Variants in TLE1 observed in about 807,000 individuals in gnomAD.
TLE1 encodes the protein TLE family member 1, transcriptional corepressor.
A neutral mutation model predicts 89.8 loss-of-function variants in TLE1; 21 were observed. The observed-to-expected ratio is 0.23, with a 90% CI of 0.17 to 0.34. The LOEUF (loss-of-function observed/expected upper bound fraction) is 0.34. Ranked by LOEUF, TLE1 falls within the 10% of genes least tolerant of loss-of-function variation. The pLI is 1.00. For synonymous variants in TLE1, 447 were observed against 407.6 expected, an observed-to-expected ratio of 1.10 and a Z score of -1.16; for missense variants, 795 against 1,031.2, an observed-to-expected ratio of 0.77 and a Z score of 3.14.
Position 81,584,050 on chromosome 9 carries a change from C to T in TLE1, c.*148G>A, listed in dbSNP as rs1828002346. The stretch of plus-strand genomic sequence containing the variant: ...TCTGCTGATGGACTTGTCGCCTCCT[C>T]TTTGTAGACTCAAAGTAGTTTTCTG... On this transcript the variant is annotated 3_prime_UTR_variant, in exon 20 of 20. Transcript: ENST00000376499. The T allele has an allele frequency of 4.3e-6, 3 of 693,392 alleles. No homozygotes were observed. The highest frequency in any genetic ancestry group is 7.3e-6 in the Non-Finnish European group (3 of 413,422). The allele number at this position is 693,392 out of a possible 1,614,324, so 43.0% of individuals were successfully genotyped here.
chr9:81,586,666 G>A (rs1828511207), intron 17 of TLE1, among the ~76,000 whole-genome samples: 1 of 152,076 alleles, frequency 6.6e-6, no homozygotes, highest in African/African-American at 2.4e-5. Context: ...GTTATCATAT[G>A]GCCAAATAAC....
intron 13 of TLE1, among the ~76,000 whole-genome samples, chr9:81,610,938 T>A (rs1587954420): frequency 6.6e-6 from 1 of 152,122 alleles, no homozygotes; most frequent in East Asian, 1.9e-4. Context: ...TTTCAACACT[T>A]TGCCCGCCAC....
intron 8 of TLE1, among the ~76,000 whole-genome samples, chr9:81,623,779 G>A (rs1044381968): frequency 1.3e-5 from 2 of 151,926 alleles, no homozygotes; most frequent in African/African-American, 4.8e-5. Context: ...GACAGAGTGA[G>A]ACTCTGCCTC....
In TLE1 at chr9:81,666,804, T is replaced by TAAATA. The variant is rs1554696560; in HGVS notation, c.235-12773_235-12769dup. On this transcript the variant is annotated intron_variant, in intron 4 of 19. Coordinates refer to ENST00000376499, the MANE Select transcript of TLE1 (RefSeq NM_005077.5). Reference sequence around the variant, plus strand: ...ATAAATAAATAAATAAATAAATAAATAAATAAAATAAAATATGCCTGTGTA... The same window carrying TAAATA: ...ATAAATAAATAAATAAATAAATAAATAAATAAAATAAAATAAAATATGCCTGTGTA... Among the ~76,000 whole-genome samples, 307 of 145,702 alleles carry TAAATA rather than the reference T, an allele frequency of 2.1e-3. 2 individuals are homozygous for TAAATA. The highest frequency in any genetic ancestry group is 7.0e-3 in the African/African-American group (283 of 40,460).
intron 6 of TLE1, among the ~76,000 whole-genome samples, chr9:81,651,539 C>T (rs1412952475): frequency 6.6e-6 from 1 of 152,078 alleles, no homozygotes; most frequent in East Asian, 1.9e-4. Context: ...GGCAAGAGAG[C>T]GCTCTTTTCA....
Position 81,688,232 on chromosome 9 carries a change from C to T in TLE1, c.9G>A (p.Pro3=), listed in dbSNP as rs372990411. 4.9e-5 allele frequency: 78 copies of T among 1,592,968 alleles called. No individual in the cohort carries two copies. The South Asian group carries it at 7.5e-4, about 15-fold the overall frequency. The change falls in exon 1 of 20, where the codon CCG becomes CCA. Residue 3 remains proline (P), a synonymous_variant. Transcript: ENST00000376499. The stretch of plus-strand genomic sequence containing the variant: ...CGCGCCTCACCGGGTGCCGGCTCTG[C>T]GGGAACATCGCTCTGGCGGCGGCCG... MF[P]QSRHPTPHQA...
chr9:81,613,876 G>A (rs1053634545), intron 11 of TLE1, among the ~76,000 whole-genome samples: 5 of 150,370 alleles, frequency 3.3e-5, no homozygotes, highest in African/African-American at 4.9e-5. Context: ...TGTCCTGGCC[G>A]CCAAGTCCAA....
intron 16 of TLE1, among the ~76,000 whole-genome samples, chr9:81,588,041 C>T (rs17294206): frequency 0.037 from 5,581 of 151,884 alleles, 156 homozygotes; most frequent in Non-Finnish European, 0.06. Context: ...CTGTTTTCCA[C>T]GATCCAAGTG....
rs968936351 is a variant in TLE1, at chr9:81,585,394, C to T, written c.2128+111G>A. 1.7e-5 allele frequency: 23 copies of T among 1,339,964 alleles called. No homozygotes were observed. The African/African-American group carries it at 3.0e-4, about 18-fold the overall frequency. 83.0% of individuals were successfully genotyped at this position (1,339,964 alleles called of 1,614,324 possible). ...ATTAAAACAATAGAATTATTGCATC[C>T]AGCTGCTCGGAGAACATTTTTTCCA... On this transcript the variant is annotated intron_variant, in intron 18 of 19. Coordinates refer to ENST00000376499, the MANE Select transcript of TLE1 (RefSeq NM_005077.5).
chr9:81,655,057 A>G (rs553630678), intron 4 of TLE1, among the ~76,000 whole-genome samples: 1 of 152,014 alleles, frequency 6.6e-6, no homozygotes, highest in African/African-American at 2.4e-5. Context: ...TGTCTATAGC[A>G]CGGGCTGTTT....
At chr9:81,611,626 A>C in intron 13 of TLE1, 143 bp downstream of exon 13, 1 of 751,840 alleles carries the variant, frequency 1.3e-6, no homozygotes, top group Non-Finnish European at 1.9e-6. Context: ...TGGCTGGGAG[A>C]CTGGGCGTCT....
intron 6 of TLE1, among the ~76,000 whole-genome samples, chr9:81,639,879 G>T (rs764459748): frequency 6.6e-6 from 1 of 151,968 alleles, no homozygotes; most frequent in Admixed American, 6.6e-5. Context: ...GAACCACCGC[G>T]CCCAGCTGAG....
At chr9:81,613,284 T>C in intron 12 of TLE1, 93 bp downstream of exon 12, 1 of 1,517,904 alleles carries the variant, frequency 6.6e-7, no homozygotes, top group Non-Finnish European at 8.9e-7. Context: ...CATTTCATAT[T>C]TGTAGGGCAA....
chr9:81,687,262 G>A lies in TLE1; in HGVS notation c.125+72C>T, dbSNP rs116121939. ...GACGCAAGAACTAAGTACAGGCGCC[G>A]CCGCCACCCGGCTGGGTGCAAGGGG... On this transcript the variant is annotated intron_variant, in intron 2 of 19. Coordinates refer to ENST00000376499, the MANE Select transcript of TLE1 (RefSeq NM_005077.5). The A allele has an allele frequency of 1.2e-3, 1,660 of 1,332,714 alleles. 16 individuals are homozygous for A. In the African/African-American group the frequency reaches 0.021, roughly 17 times the overall value. 82.6% of individuals were successfully genotyped at this position (1,332,714 alleles called of 1,614,324 possible).
chr9:81,671,758 G>A (rs914589939), intron 4 of TLE1, among the ~76,000 whole-genome samples: 1 of 152,122 alleles, frequency 6.6e-6, no homozygotes, highest in Non-Finnish European at 1.5e-5. Flanking sequence ...ATAGCATCTA[G>A]GGTAGTCGAT....
intron 4 of TLE1, among the ~76,000 whole-genome samples, chr9:81,674,536 A>G (rs1402550252): frequency 1.3e-5 from 2 of 152,176 alleles, no homozygotes; most frequent in African/African-American, 4.8e-5. Flanking sequence ...CCATACACAC[A>G]AAGTTCAAAA....
chr9:81,595,634 G>T (rs546403149), intron 14 of TLE1, among the ~76,000 whole-genome samples: 3 of 151,944 alleles, frequency 2.0e-5, no homozygotes, highest in Admixed American at 6.6e-5. Flanking sequence ...CTGGCTAACA[G>T]AGTGAAACCC....
chr9:81,614,842 T>C (rs1824214505), intron 11 of TLE1, among the ~76,000 whole-genome samples: 1 of 151,390 alleles, frequency 6.6e-6, no homozygotes, highest in Non-Finnish European at 1.5e-5. Flanking sequence ...CATGCCCCGA[T>C]ATTAAGGATC....
chr9:81,602,846 C>T (rs571841159), intron 14 of TLE1, among the ~76,000 whole-genome samples: 1 of 151,252 alleles, frequency 6.6e-6, no homozygotes, highest in South Asian at 2.1e-4. Context: ...AAAAAAAAAA[C>T]GAGTTAAATG....
Sources: gnomAD v4.1 joint callset for allele counts (sites outside exome capture counted in the v4.1 genomes callset) on GRCh38, gnomAD v4.1.1 for gene constraint, MANE v1.5 for transcripts, NCBI Gene and HGNC (gene_info 2026-07-23, HGNC 2026-07-21) for gene names.